The following CADM2 variants were observed in gnomAD, a reference collection of about 807,000 sequenced individuals.
CADM2 encodes the protein immunoglobulin superfamily member 4D.
In CADM2, 12 loss-of-function variants were observed where a neutral mutation model predicts 49.8. That is an observed-to-expected ratio of 0.24 (90% confidence interval 0.15 to 0.39). CADM2 has a LOEUF of 0.39. Ranked by LOEUF, CADM2 falls within the 10% of genes least tolerant of loss-of-function variation. The pLI, the probability that CADM2 is intolerant of heterozygous loss-of-function variation, is 1.00. For missense variants in CADM2, 378 were observed against 492.3 expected (o/e 0.77, Z 2.20); for synonymous variants, 214 against 175.4 (o/e 1.22, Z -1.74).
intron 2 of CADM2, among the ~76,000 whole-genome samples, chr3:85,731,270 C>T (rs562862542): frequency 6.6e-6 from 1 of 152,122 alleles, no homozygotes; most frequent in South Asian, 2.1e-4. Context: ...AAGTCAGGTG[C>T]CTATATTTTA....
chr3:85,868,114 A>T (rs1171534785), intron 3 of CADM2, among the ~76,000 whole-genome samples: 2 of 152,076 alleles, frequency 1.3e-5, no homozygotes, highest in Non-Finnish European at 2.9e-5. Context: ...AAAATTTAAA[A>T]ATTCAGAAAA....
Position 85,898,937 on chromosome 3 carries a change from G to GTGTATATATATATATA in CADM2, c.529+12611_529+12612insGTATATATATATATAT, listed in dbSNP as rs796467067. On this transcript the variant is annotated intron_variant, in intron 5 of 9. Coordinates refer to ENST00000383699, the MANE Select transcript of CADM2 (RefSeq NM_001167675.2). ...TCATAAAATCCAATTCATTTATTGT[G>GTGTATATATATATATA]TATATATATATATATATATTTTTTT... 8.1e-3 allele frequency among the ~76,000 whole-genome samples: 377 copies of GTGTATATATATATATA among 46,612 alleles called. 46 individuals are homozygous for GTGTATATATATATATA. Among genetic ancestry groups the GTGTATATATATATATA allele is most frequent in the African/African-American group, 0.035 (300 of 8,628 alleles). The allele number at this position is 46,612 out of a possible 152,430, so 30.6% of individuals were successfully genotyped here.
chr3:85,733,846 A>G (rs954637618), intron 2 of CADM2, among the ~76,000 whole-genome samples: 3 of 152,112 alleles, frequency 2.0e-5, no homozygotes, highest in African/African-American at 4.8e-5. Flanking sequence ...CAGTTGGTTC[A>G]TGTCATTCTA....
chr3:85,161,984 C>T (rs1432180131), intron 1 of CADM2, among the ~76,000 whole-genome samples: 1 of 151,790 alleles, frequency 6.6e-6, no homozygotes, highest in Non-Finnish European at 1.5e-5. Flanking sequence ...ACTCCAGACT[C>T]CGCAACAAGA....
intron 8 of CADM2, among the ~76,000 whole-genome samples, chr3:85,997,644 TG>T (rs1259262135): frequency 3.3e-5 from 5 of 152,212 alleles, no homozygotes; most frequent in African/African-American, 1.2e-4. Context: ...TTGGGATACT[TG>T]TGCAATTGTG....
intron 1 of CADM2, among the ~76,000 whole-genome samples, chr3:85,168,522 TA>T (rs879446009): frequency 1.3e-5 from 2 of 152,232 alleles, no homozygotes; most frequent in Non-Finnish European, 2.9e-5. Context: ...ATTTATATAA[TA>T]TTTCAAGAAA....
At chr3:85,967,289 G>C (rs73843558) in intron 8 of CADM2, among the ~76,000 whole-genome samples, 10,006 of 151,644 alleles carry the variant, frequency 0.066, 884 homozygotes, top group African/African-American at 0.2. Context: ...AGGAAAAATT[G>C]AGTCATGGAT....
At chr3:85,448,960 C>G (rs1250664212) in intron 1 of CADM2, among the ~76,000 whole-genome samples, 2 of 151,120 alleles carry the variant, frequency 1.3e-5, no homozygotes, top group African/African-American at 4.9e-5. Flanking sequence ...TGAGGCAGGA[C>G]AATCGCTTGA....
At chr3:85,455,847 G>C (rs1462565349) in intron 1 of CADM2, among the ~76,000 whole-genome samples, 1 of 152,096 alleles carries the variant, frequency 6.6e-6, no homozygotes, top group African/African-American at 2.4e-5. Context: ...GAGTGTGTTC[G>C]TGTGTGTGTG....
At chr3:85,480,529 G>A (rs955412459) in intron 1 of CADM2, among the ~76,000 whole-genome samples, 1 of 151,820 alleles carries the variant, frequency 6.6e-6, no homozygotes, top group African/African-American at 2.4e-5. Flanking sequence ...TTGTTGAGAT[G>A]ATTAAATGAG....
rs185501910 is a variant in CADM2, at chr3:85,704,895, G to A, written c.62-21627G>A. On this transcript the variant is annotated intron_variant, in intron 1 of 9. Coordinates refer to ENST00000383699, the MANE Select transcript of CADM2 (RefSeq NM_001167675.2). ...TTTTTTTTTGATGGAGTCTCGCTCT[G>A]TCGTCCAGGCTGGAGTGCAGTGGCA... Among the ~76,000 whole-genome samples, 516 of 147,628 alleles carry A rather than the reference G, an allele frequency of 3.5e-3. 3 individuals are homozygous for A. The highest frequency in any genetic ancestry group is 5.3e-3 in the Non-Finnish European group (356 of 67,276).
At chr3:85,181,112 A>C (rs2107704332) in intron 1 of CADM2, among the ~76,000 whole-genome samples, 1 of 152,280 alleles carries the variant, frequency 6.6e-6, no homozygotes, top group South Asian at 2.1e-4. Flanking sequence ...TGAAGAGAAT[A>C]AATTGATTAA....
At chr3:85,088,770 G>T (rs970700801) in intron 1 of CADM2, among the ~76,000 whole-genome samples, 1 of 152,022 alleles carries the variant, frequency 6.6e-6, no homozygotes, top group African/African-American at 2.4e-5. Flanking sequence ...TAGAAAGAAA[G>T]ATATTATTTC....
At chr3:85,740,060 A>T (rs1226357135) in intron 2 of CADM2, among the ~76,000 whole-genome samples, 1 of 152,220 alleles carries the variant, frequency 6.6e-6, no homozygotes, top group Non-Finnish European at 1.5e-5. Context: ...AAGTAGTCAC[A>T]TGCAGTTAAT....
At position 85,359,660 on chromosome 3, in the gene CADM2, A is replaced by T. The variant is rs1481915632; in HGVS notation, c.62-366862A>T. Among the ~76,000 whole-genome samples the T allele has an allele frequency of 6.8e-3, 132 of 19,440 alleles. 6 individuals are homozygous for T. The highest frequency in any genetic ancestry group is 0.025 in the Middle Eastern group (1 of 40). 12.8% of individuals were successfully genotyped at this position (19,440 alleles called of 152,430 possible). ...AGCATATATATATATATATATATAT[A>T]TATATATTTTTTTTTTTGGTGGAGG... On this transcript the variant is annotated intron_variant, in intron 1 of 9. Transcript: ENST00000383699.
chr3:84,988,952 G>C (rs1003819737), intron 1 of CADM2, among the ~76,000 whole-genome samples: 1 of 152,084 alleles, frequency 6.6e-6, no homozygotes, highest in Non-Finnish European at 1.5e-5. Context: ...AACATCTGCT[G>C]TGTTCTAGAT....
chr3:86,013,559 G>A, intron 8 of CADM2: 1 of 1,603,708 alleles, frequency 6.2e-7, no homozygotes, highest in Non-Finnish European at 8.5e-7. Flanking sequence ...AGATGGTAGA[G>A]ATCTGTGAGA....
chr3:85,049,154 T>C (rs1448421204), intron 1 of CADM2, among the ~76,000 whole-genome samples: 1 of 152,058 alleles, frequency 6.6e-6, no homozygotes, highest in African/African-American at 2.4e-5. Context: ...AGCATTTAGA[T>C]CATTAGCGAT....
intron 1 of CADM2, among the ~76,000 whole-genome samples, chr3:85,659,052 T>TG (rs2065311291): frequency 2.4e-5 from 1 of 41,092 alleles, no homozygotes; most frequent in Non-Finnish European, 4.2e-5. Context: ...ACTCTGTCTC[T>TG]AAATAATAAT....
Sources: allele counts gnomAD v4.1 joint callset (sites outside exome capture counted in the v4.1 genomes callset), GRCh38; gene constraint gnomAD v4.1.1; transcripts MANE v1.5; gene names NCBI Gene and HGNC (gene_info 2026-07-23, HGNC 2026-07-21).